The following PEX14 variants were observed in gnomAD, a reference collection of about 807,000 sequenced individuals.
PEX14 encodes the protein peroxisomal membrane protein PEX14.
In PEX14, 15 loss-of-function variants were observed where a neutral mutation model predicts 49.5. The ratio of observed to expected loss-of-function variants is 0.30; its 90% CI spans 0.20 to 0.47. The LOEUF is 0.47. PEX14 is among the 20% of genes least tolerant of loss of function. The probability of loss-of-function intolerance (pLI) is 1.00; values close to 1 mark genes in which losing one functional copy is unlikely to be tolerated. For synonymous variants in PEX14, 210 were observed against 212.7 expected (o/e 0.99, Z 0.11); for missense variants, 398 against 494.8 (o/e 0.80, Z 1.86).
Position 10,538,382 on chromosome 1 carries a change from C to T in PEX14, c.169+2085C>T, listed in dbSNP as rs1260402223. Among the ~76,000 whole-genome samples, 3 of 152,194 alleles carry T rather than the reference C, an allele frequency of 2.0e-5. No homozygotes were observed. The East Asian group carries it at 5.8e-4, about 29-fold the overall frequency. ...TTTTAGAATTTTAGGCATCTGGCAC[C>T]TTGAGATGCTATCCTGCCCTTCGTC... is the stretch of plus-strand genomic sequence containing the variant. On this transcript the variant is annotated intron_variant, in intron 3 of 8. Coordinates refer to ENST00000356607, the MANE Select transcript of PEX14 (RefSeq NM_004565.3).
intron 2 of PEX14, among the ~76,000 whole-genome samples, chr1:10,502,065 C>G (rs570317829): frequency 1.3e-5 from 2 of 152,282 alleles, no homozygotes; most frequent in African/African-American, 2.4e-5. Flanking sequence ...GCTCACGGTG[C>G]ACTTCACTGA....
intron 6 of PEX14, 117 bp from the exon 7 acceptor site, chr1:10,624,223 G>A (rs1187637577): frequency 2.6e-6 from 2 of 783,938 alleles, no homozygotes; most frequent in East Asian, 2.4e-5. Flanking sequence ...GGCTGGGGGT[G>A]TCTGCAGATA....
intron 5 of PEX14, 35 bp from the exon 6 acceptor site, chr1:10,622,984 C>T (rs562798532): frequency 2.2e-5 from 31 of 1,388,172 alleles, no homozygotes; most frequent in South Asian, 7.1e-5. Context: ...ACCCCGGGTC[C>T]GTATGCATTC....
At position 10,495,728 on chromosome 1, in the gene PEX14, G is replaced by A. The variant is rs889435744; in HGVS notation, c.84+407G>A. Among the ~76,000 whole-genome samples the A allele has an allele frequency of 6.6e-6, 1 of 152,160 alleles. No individual in the cohort carries two copies. The highest frequency in any genetic ancestry group is 1.5e-5 in the Non-Finnish European group (1 of 68,030). ...AGTGGTCTTTAAAGAACAGGTAAGC[G>A]ATGGAATTCTGGTTTTGCCTGGTCA... On this transcript the variant is annotated intron_variant, in intron 2 of 8. Coordinates refer to ENST00000356607, the MANE Select transcript of PEX14 (RefSeq NM_004565.3). The surrounding 1 kb of genome is among the most constrained non-coding windows in gnomAD (Gnocchi z 4.2).
intron 3 of PEX14, among the ~76,000 whole-genome samples, chr1:10,572,874 A>G (rs886756481): frequency 6.6e-6 from 1 of 152,178 alleles, no homozygotes; most frequent in Non-Finnish European, 1.5e-5. Context: ...AGACAATTTC[A>G]TTGTACAAAT....
At chr1:10,564,211 C>T (rs1639737160) in intron 3 of PEX14, among the ~76,000 whole-genome samples, 1 of 152,082 alleles carries the variant, frequency 6.6e-6, no homozygotes, top group Non-Finnish European at 1.5e-5. Context: ...TGTTCTCATT[C>T]TCTTCTTTCC....
At chr1:10,576,377 C>T (rs1171236109) in intron 3 of PEX14, among the ~76,000 whole-genome samples, 3 of 152,004 alleles carry the variant, frequency 2.0e-5, no homozygotes, top group Admixed American at 6.6e-5. Context: ...ATCACAAAAA[C>T]CCTACGAGGT....
chr1:10,548,673 T>C (rs1042350375), intron 3 of PEX14, among the ~76,000 whole-genome samples: 1 of 152,230 alleles, frequency 6.6e-6, no homozygotes, highest in Non-Finnish European at 1.5e-5. Flanking sequence ...AATTTATTTT[T>C]AACTATAGAT....
At chr1:10,620,514 G>A (rs1307367985) in intron 5 of PEX14, among the ~76,000 whole-genome samples, 3 of 152,124 alleles carry the variant, frequency 2.0e-5, no homozygotes, top group East Asian at 1.9e-4. Context: ...TAAGCCAGGC[G>A]CAGTGGCTCA....
chr1:10,620,114 C>CA (rs1557434462), intron 5 of PEX14, among the ~76,000 whole-genome samples: 1 of 151,518 alleles, frequency 6.6e-6, no homozygotes, highest in South Asian at 2.1e-4. Flanking sequence ...GACTCCTTCT[C>CA]AAAAAAGAAA....
At chr1:10,488,409 G>A (rs1363098945) in intron 1 of PEX14, among the ~76,000 whole-genome samples, 1 of 152,138 alleles carries the variant, frequency 6.6e-6, no homozygotes, top group Non-Finnish European at 1.5e-5. Flanking sequence ...CACCCGCCTT[G>A]GCCTCCCAAA....
At chr1:10,605,050 G>A (rs900418798) in intron 4 of PEX14, among the ~76,000 whole-genome samples, 5 of 148,822 alleles carry the variant, frequency 3.4e-5, no homozygotes, top group South Asian at 4.5e-4. Context: ...TCCCCACCCC[G>A]CCCCACTGCA....
At chr1:10,506,681 G>A (rs1293361219) in intron 2 of PEX14, among the ~76,000 whole-genome samples, 1 of 152,258 alleles carries the variant, frequency 6.6e-6, no homozygotes, top group Non-Finnish European at 1.5e-5. Flanking sequence ...CAAATTAGGT[G>A]TGAGCGAGAT....
intron 3 of PEX14, among the ~76,000 whole-genome samples, chr1:10,593,313 C>T (rs919417859): frequency 6.6e-6 from 1 of 152,056 alleles, no homozygotes; most frequent in Non-Finnish European, 1.5e-5. Flanking sequence ...TGGCAGGAGG[C>T]AGTGTTTTGC....
At chr1:10,615,208 A>G (rs1411042097) in intron 4 of PEX14, among the ~76,000 whole-genome samples, 1 of 152,166 alleles carries the variant, frequency 6.6e-6, no homozygotes, top group Admixed American at 6.5e-5. Context: ...TTGTATAAAA[A>G]CCTCTGCATG....
chr1:10,495,687 A>C lies in PEX14; in HGVS notation c.84+366A>C, dbSNP rs1313978281. Among the ~76,000 whole-genome samples, 2 of 152,206 alleles carry C rather than the reference A, an allele frequency of 1.3e-5. No individual in the cohort carries two copies. The highest frequency in any genetic ancestry group is 4.8e-5 in the African/African-American group (2 of 41,454). ...GTAGCCGCCCTCTGCTCTGCCCCTC[A>C]GGGTGCGAGCGCCTCAGTGGTCTTT... is the stretch of plus-strand genomic sequence containing the variant. On this transcript the variant is annotated intron_variant, in intron 2 of 8. Transcript: ENST00000356607. The surrounding 1 kb of genome is among the most constrained non-coding windows in gnomAD (Gnocchi z 4.2).
intron 4 of PEX14, among the ~76,000 whole-genome samples, chr1:10,617,637 T>C (rs1403681502): frequency 6.6e-6 from 1 of 152,096 alleles, no homozygotes; most frequent in Admixed American, 6.5e-5. Flanking sequence ...CTTTTGTGCT[T>C]GCTCCCCTCC....
chr1:10,608,435 G>A (rs1412616082), intron 4 of PEX14, among the ~76,000 whole-genome samples: 3 of 152,168 alleles, frequency 2.0e-5, no homozygotes, highest in African/African-American at 7.2e-5. Context: ...GCCAAGGTGG[G>A]CGGATTGCCT....
intron 2 of PEX14, among the ~76,000 whole-genome samples, chr1:10,507,692 C>T (rs557247385): frequency 6.6e-6 from 1 of 152,330 alleles, no homozygotes; most frequent in South Asian, 2.1e-4. Context: ...TTGCTCTGGA[C>T]TCCAGCTCTT....
Sources: gnomAD v4.1 joint callset for allele counts (sites outside exome capture counted in the v4.1 genomes callset) on GRCh38, gnomAD v4.1.1 for gene constraint, Gnocchi (gnomAD v3.1) non-coding constraint, MANE v1.5 for transcripts, NCBI Gene and HGNC (gene_info 2026-07-23, HGNC 2026-07-21) for gene names.